The following TCF12 variants were observed in gnomAD, a reference collection of about 807,000 sequenced individuals.
TCF12 encodes the protein transcription factor 12.
In TCF12, 45 loss-of-function variants were observed where a neutral mutation model predicts 86.0. That is an observed-to-expected ratio of 0.52 (90% CI 0.41 to 0.67). The LOEUF is 0.67. Ranked by LOEUF, TCF12 falls within the 30% of genes least tolerant of loss-of-function variation. The probability of loss-of-function intolerance (pLI) is 0.00; values close to 1 mark genes in which losing one functional copy is unlikely to be tolerated. For missense variants in TCF12, 881 were observed against 859.9 expected (o/e 1.02, Z -0.31); for synonymous variants, 330 against 299.6 (o/e 1.10, Z -1.05).
chr15:56,940,361 C>CTTTTG (rs1470783238), intron 3 of TCF12, among the ~76,000 whole-genome samples: 1 of 152,016 alleles, frequency 6.6e-6, no homozygotes, highest in African/African-American at 2.4e-5. Flanking sequence ...GCCAAAGCTG[C>CTTTTG]TTTTGTTGAT....
intron 8 of TCF12, among the ~76,000 whole-genome samples, chr15:57,206,241 G>T (rs1249215093): frequency 6.6e-6 from 1 of 152,166 alleles, no homozygotes; most frequent in African/African-American, 2.4e-5. Flanking sequence ...GATGGCTTAT[G>T]CCTGTAATCC....
intron 8 of TCF12, among the ~76,000 whole-genome samples, chr15:57,228,312 G>C (rs1452530619): frequency 6.6e-6 from 1 of 152,032 alleles, no homozygotes. Context: ...TATTTAGCCT[G>C]TGTTAGAAAT....
At chr15:56,928,808 G>T (rs1411953336) in intron 3 of TCF12, among the ~76,000 whole-genome samples, 1 of 152,152 alleles carries the variant, frequency 6.6e-6, no homozygotes, top group Admixed American at 6.5e-5. Flanking sequence ...TTTCTGGAGT[G>T]AGGCATAGTC....
intron 3 of TCF12, among the ~76,000 whole-genome samples, chr15:56,960,938 G>A (rs1414234494): frequency 1.3e-5 from 2 of 151,010 alleles, no homozygotes; most frequent in Admixed American, 6.6e-5. Flanking sequence ...TCAGGAGTTC[G>A]AGACCAGCCT....
In TCF12 at chr15:57,286,702, T is replaced by C. The variant is rs552453196; in HGVS notation, c.*557T>C. ...CTTAAAAAGGAAGGGAAAAGTCTTT[T>C]GTTGCCCTCTCCTATCCTCTTGCCA... is the stretch of plus-strand genomic sequence containing the variant. On this transcript the variant is annotated 3_prime_UTR_variant, in exon 21 of 21. Transcript: ENST00000333725. 7 of 456,382 alleles carry C rather than the reference T, an allele frequency of 1.5e-5. No individual in the cohort carries two copies. Among genetic ancestry groups the C allele is most frequent in the Non-Finnish European group, 3.1e-5 (7 of 226,892 alleles). The allele number at this position is 456,382 out of a possible 1,614,324, so 28.3% of individuals were successfully genotyped here. A position where few individuals can be genotyped will look rare whatever the true frequency, so the allele number is the denominator to read the frequency against.
intron 20 of TCF12, among the ~76,000 whole-genome samples, chr15:57,283,359 C>T (rs1270449848): frequency 5.9e-5 from 9 of 151,940 alleles, no homozygotes; most frequent in Admixed American, 5.9e-4. Context: ...TCCCAGGTTC[C>T]AGCAATTCTC....
At chr15:56,980,080 T>C (rs2062816252) in intron 3 of TCF12, among the ~76,000 whole-genome samples, 1 of 152,182 alleles carries the variant, frequency 6.6e-6, no homozygotes. Context: ...TTGTTTTGGC[T>C]GAGCACGGTG....
intron 17 of TCF12, among the ~76,000 whole-genome samples, chr15:57,262,562 C>T (rs1449374433): frequency 6.6e-6 from 1 of 152,128 alleles, no homozygotes; most frequent in African/African-American, 2.4e-5. Context: ...CTGAGAGCTC[C>T]GAATGATGGA....
intron 13 of TCF12, chr15:57,247,152 TCCA>T (rs200909616): frequency 5.0e-5 from 28 of 556,800 alleles, no homozygotes; most frequent in South Asian, 1.3e-4. Flanking sequence ...CCACCGTCAC[TCCA>T]CCACCACCAC....
intron 13 of TCF12, chr15:57,247,590 T>C (rs1597611277): frequency 1.2e-6 from 1 of 844,998 alleles, no homozygotes; most frequent in East Asian, 2.4e-5. Flanking sequence ...ACTTCTGCGG[T>C]TTCAATCTTG....
At chr15:56,987,954 C>T (rs1425523261) in intron 3 of TCF12, among the ~76,000 whole-genome samples, 1 of 152,098 alleles carries the variant, frequency 6.6e-6, no homozygotes, top group Non-Finnish European at 1.5e-5. Flanking sequence ...CAGTGTAAAC[C>T]TATTTACCAA....
At chr15:57,209,450 C>T (rs891397922) in intron 8 of TCF12, among the ~76,000 whole-genome samples, 5 of 152,082 alleles carry the variant, frequency 3.3e-5, no homozygotes, top group Non-Finnish European at 1.5e-5. Flanking sequence ...TGGAAAACAA[C>T]AATACAGGAA....
chr15:57,215,298 G>A (rs1370017091), intron 8 of TCF12, among the ~76,000 whole-genome samples: 1 of 152,166 alleles, frequency 6.6e-6, no homozygotes, highest in African/African-American at 2.4e-5. Context: ...TGAGGAAGAA[G>A]AGGCATTGGG....
intron 3 of TCF12, among the ~76,000 whole-genome samples, chr15:56,974,729 A>T (rs1246963966): frequency 2.0e-5 from 3 of 152,104 alleles, no homozygotes; most frequent in Non-Finnish European, 2.9e-5. Flanking sequence ...TCTGTAGTTG[A>T]AAAAGTAATG....
intron 3 of TCF12, among the ~76,000 whole-genome samples, chr15:57,052,746 T>A (rs557808229): frequency 2.8e-4 from 42 of 152,332 alleles, no homozygotes; most frequent in Admixed American, 5.2e-4. Flanking sequence ...TTTAGTGAGC[T>A]TCTTCTGTGT....
At chr15:57,062,323 A>G (rs1380953377) in intron 3 of TCF12, among the ~76,000 whole-genome samples, 4 of 152,066 alleles carry the variant, frequency 2.6e-5, no homozygotes, top group Non-Finnish European at 5.9e-5. Context: ...GAACTTTAAT[A>G]CTAGCTCCAC....
At chr15:56,937,408 G>T (rs528273091) in intron 3 of TCF12, among the ~76,000 whole-genome samples, 8 of 151,838 alleles carry the variant, frequency 5.3e-5, no homozygotes, top group Non-Finnish European at 1.0e-4. Flanking sequence ...CTCGGTTGGA[G>T]TGTAGTGGCG....
downstream of TCF12, among the ~76,000 whole-genome samples, chr15:57,290,361 A>AGT (rs1491119720): frequency 2.0e-3 from 281 of 139,670 alleles, no homozygotes; most frequent in African/African-American, 6.7e-3. Flanking sequence ...AAAAAAAAAA[A>AGT]GAGTGAGCCA....
Position 56,988,877 on chromosome 15 carries a change from T to C in TCF12, c.148+67779T>C, listed in dbSNP as rs1038304993. On this transcript the variant is annotated intron_variant, in intron 3 of 20. Transcript: ENST00000333725. ...AGTGTGATGTATAGGTAATGGTGAA[T>C]ACCACAGTGTTACTGAAGCTGTATC... is the stretch of plus-strand genomic sequence containing the variant. Among the ~76,000 whole-genome samples the C allele has an allele frequency of 9.2e-5, 14 of 152,272 alleles. No individual in the cohort carries two copies. The East Asian group carries it at 2.7e-3, about 29-fold the overall frequency.
Sources: allele counts gnomAD v4.1 joint callset (sites outside exome capture counted in the v4.1 genomes callset), GRCh38; gene constraint gnomAD v4.1.1; transcripts MANE v1.5; gene names NCBI Gene and HGNC (gene_info 2026-07-23, HGNC 2026-07-21).